The following GBP7 variants were observed in gnomAD, a reference collection of about 807,000 sequenced individuals.
The protein encoded by GBP7 is guanylate-binding protein 7.
A neutral mutation model predicts 61.3 loss-of-function variants in GBP7; 43 were observed. That is an observed-to-expected ratio of 0.70 (90% CI 0.55 to 0.91). The LOEUF (loss-of-function observed/expected upper bound fraction) is 0.91. Ranked by LOEUF, GBP7 falls within the 40% of genes least tolerant of loss-of-function variation. The pLI is 0.00. For missense variants in GBP7, 717 were observed against 740.5 expected (o/e 0.97, Z 0.37); for synonymous variants, 267 against 271.0 (o/e 0.99, Z 0.14).
At chr1:89,154,284 T>C (rs1176665905) in intron 3 of GBP7, among the ~76,000 whole-genome samples, 1 of 152,220 alleles carries the variant, frequency 6.6e-6, no homozygotes, top group Admixed American at 6.5e-5. Flanking sequence ...TATGTTTAAA[T>C]TCACTGTTTC....
intron 3 of GBP7, among the ~76,000 whole-genome samples, chr1:89,159,432 G>A (rs941582388): frequency 7.2e-5 from 11 of 152,166 alleles, no homozygotes; most frequent in African/African-American, 2.7e-4. Context: ...GCAACCTACA[G>A]AAGGGGAGAA....
At chr1:89,138,794 C>CA (rs1681870213) in intron 9 of GBP7, among the ~76,000 whole-genome samples, 1 of 152,182 alleles carries the variant, frequency 6.6e-6, no homozygotes, top group South Asian at 2.1e-4. Context: ...ATGAAAACTT[C>CA]AAAAGCCACT....
intron 3 of GBP7, among the ~76,000 whole-genome samples, chr1:89,161,886 G>T (rs1647282576): frequency 6.6e-6 from 1 of 151,926 alleles, no homozygotes; most frequent in Admixed American, 6.6e-5. Flanking sequence ...GGTTTTCCAG[G>T]GTTTTTATAG....
At chr1:89,160,327 T>C (rs905640125) in intron 3 of GBP7, among the ~76,000 whole-genome samples, 1 of 152,144 alleles carries the variant, frequency 6.6e-6, no homozygotes, top group Non-Finnish European at 1.5e-5. Flanking sequence ...AAGCTGCACA[T>C]TGTGCACATG....
chr1:89,171,908 G>A lies in GBP7; in HGVS notation c.28C>T (p.Pro10Ser). 1 of 1,612,912 alleles carries A rather than the reference G, an allele frequency of 6.2e-7. No homozygotes were observed. Among genetic ancestry groups the A allele is most frequent in the Non-Finnish European group, 8.5e-7 (1 of 1,179,184 alleles). MASEIHMPG[P>S]VCLTENTKGH... ...TTAGTGTTCTCAGTGAGGCACACTGGGCCTGGCATGTGGATCTCTGATGCC... is the reference window on the plus strand; with the variant it reads ...TTAGTGTTCTCAGTGAGGCACACTGAGCCTGGCATGTGGATCTCTGATGCC... Residue 10 changes from proline (P) to serine (S), a missense_variant, in exon 2 of 11, where the codon CCA (proline) becomes TCA (serine). Transcript: ENST00000294671.
chr1:89,159,013 G>C (rs1438703569), intron 3 of GBP7, among the ~76,000 whole-genome samples: 1 of 152,098 alleles, frequency 6.6e-6, no homozygotes, highest in Non-Finnish European at 1.5e-5. Flanking sequence ...CCAAAACAGA[G>C]ATATAGACCA....
At position 89,132,103 on chromosome 1, in the gene GBP7, C is replaced by T. The variant is rs1681690431; in HGVS notation, c.*46G>A. On this transcript the variant is annotated 3_prime_UTR_variant, in exon 11 of 11. Coordinates refer to ENST00000294671, the MANE Select transcript of GBP7 (RefSeq NM_207398.3). Reference sequence around the variant, plus strand: ...AAATGAAACTGCAATAACACATATACTTTTAAAATGAGCAACAGCGTTATA... The same window carrying T: ...AAATGAAACTGCAATAACACATATATTTTTAAAATGAGCAACAGCGTTATA... 6.7e-7 allele frequency: 1 copy of T among 1,499,676 alleles called. No homozygotes were observed. Among genetic ancestry groups the T allele is most frequent in the Non-Finnish European group, 9.0e-7 (1 of 1,112,056 alleles). 92.9% of individuals were successfully genotyped at this position (1,499,676 alleles called of 1,614,324 possible). A position where few individuals can be genotyped will look rare whatever the true frequency, so the allele number is the denominator to read the frequency against.
rs537940649 is a variant in GBP7 at position 89,134,818 on chromosome 1, GCTC to G, written c.1469-1370_1469-1368del. On this transcript the variant is annotated intron_variant, in intron 9 of 10. Transcript: ENST00000294671. The stretch of plus-strand genomic sequence containing the variant: ...CTCTTACCTCCAAATGAGTCCACTA[GCTC>G]CTCAGCAATAGTTCCTAATCAAACT... Among the ~76,000 whole-genome samples, 289 of 152,258 alleles carry G rather than the reference GCTC, an allele frequency of 1.9e-3. 1 individual carries two copies. The highest frequency in any genetic ancestry group is 6.6e-3 in the African/African-American group (275 of 41,550).
chr1:89,172,478 C>G (rs1184421363), intron 1 of GBP7, among the ~76,000 whole-genome samples: 1 of 152,114 alleles, frequency 6.6e-6, no homozygotes, highest in Non-Finnish European at 1.5e-5. Flanking sequence ...TGAGGAATAT[C>G]CTTCAATTTG....
intron 2 of GBP7, among the ~76,000 whole-genome samples, chr1:89,167,654 G>T (rs577839941): frequency 6.6e-6 from 1 of 152,282 alleles, no homozygotes; most frequent in East Asian, 1.9e-4. Flanking sequence ...AAAGTATTTT[G>T]TGTGAAGGTA....
chr1:89,145,895 C>G (rs1041113806), intron 8 of GBP7, among the ~76,000 whole-genome samples: 2 of 87,916 alleles, frequency 2.3e-5, no homozygotes, highest in African/African-American at 6.8e-5. Flanking sequence ...TTCATACTAT[C>G]TAAAAAAAAT....
At chr1:89,172,545 A>G (rs995585044) in intron 1 of GBP7, among the ~76,000 whole-genome samples, 3 of 152,034 alleles carry the variant, frequency 2.0e-5, no homozygotes, top group African/African-American at 7.2e-5. Flanking sequence ...TGCAAATGTC[A>G]CAGAAGTGAT....
chr1:89,149,992 A>G (rs1369937639), intron 6 of GBP7, among the ~76,000 whole-genome samples: 11 of 152,224 alleles, frequency 7.2e-5, no homozygotes, highest in Admixed American at 7.2e-4. Flanking sequence ...GTGCCAGAAC[A>G]TCAAACCCTG....
chr1:89,164,440 T>C (rs1016577842), intron 3 of GBP7, among the ~76,000 whole-genome samples: 1 of 152,242 alleles, frequency 6.6e-6, no homozygotes, highest in African/African-American at 2.4e-5. Context: ...CGTAGAGCTT[T>C]GAAATTCAGG....
intron 2 of GBP7, among the ~76,000 whole-genome samples, chr1:89,166,732 C>T (rs1377780866): frequency 6.6e-6 from 1 of 152,182 alleles, no homozygotes; most frequent in Non-Finnish European, 1.5e-5. Context: ...TGTTGCCAAT[C>T]CACAACCTTG....
intron 3 of GBP7, among the ~76,000 whole-genome samples, chr1:89,160,164 G>T (rs1284521343): frequency 6.6e-6 from 1 of 152,138 alleles, no homozygotes; most frequent in Non-Finnish European, 1.5e-5. Context: ...TGAACAATGA[G>T]ATCACTTGGA....
intron 3 of GBP7, among the ~76,000 whole-genome samples, chr1:89,155,268 G>GGTCT (rs1166765936): frequency 2.0e-5 from 3 of 152,186 alleles, no homozygotes; most frequent in African/African-American, 4.8e-5. Flanking sequence ...CAGAAAAGCT[G>GGTCT]AAAATTCTAA....
chr1:89,140,164 C>A (rs1246082570), intron 9 of GBP7, among the ~76,000 whole-genome samples: 1 of 151,216 alleles, frequency 6.6e-6, no homozygotes, highest in Non-Finnish European at 1.5e-5. Flanking sequence ...AACTGGAAAC[C>A]ATCATTCTCA....
At chr1:89,135,009 G>C (rs909180359) in intron 9 of GBP7, among the ~76,000 whole-genome samples, 1 of 152,120 alleles carries the variant, frequency 6.6e-6, no homozygotes, top group Non-Finnish European at 1.5e-5. Flanking sequence ...GAGCCAAACT[G>C]ATTTGATAGA....
Sources: allele counts gnomAD v4.1 joint callset (sites outside exome capture counted in the v4.1 genomes callset), GRCh38; gene constraint gnomAD v4.1.1; transcripts MANE v1.5; gene names NCBI Gene and HGNC (gene_info 2026-07-23, HGNC 2026-07-21).